Variants in MACROD2 observed in about 807,000 individuals in gnomAD.
The protein encoded by MACROD2 is mono-ADP ribosylhydrolase 2.
In MACROD2, 36 loss-of-function variants were observed where a neutral mutation model predicts 70.4. The observed-to-expected ratio is 0.51, with a 90% CI of 0.39 to 0.68. The LOEUF is 0.68. Ranked by LOEUF, MACROD2 falls within the 30% of genes least tolerant of loss-of-function variation. The pLI is 0.00. For missense variants in MACROD2, 496 were observed against 538.4 expected, an observed-to-expected ratio of 0.92 and a Z score of 0.78; for synonymous variants, 172 against 178.8, an observed-to-expected ratio of 0.96 and a Z score of 0.30.
chr20:14,339,397 T>C (rs973492320), intron 3 of MACROD2, among the ~76,000 whole-genome samples: 2 of 152,206 alleles, frequency 1.3e-5, no homozygotes, highest in Admixed American at 1.3e-4. Context: ...TTTCTGTTAC[T>C]ATGAAACAAA....
intron 4 of MACROD2, among the ~76,000 whole-genome samples, chr20:14,505,337 T>C (rs973229000): frequency 2.6e-5 from 4 of 152,228 alleles, no homozygotes; most frequent in Non-Finnish European, 5.9e-5. Flanking sequence ...ATCTGGATAA[T>C]ATTTAGATTG....
chr20:14,650,780 A>G (rs1313194486), intron 4 of MACROD2, among the ~76,000 whole-genome samples: 1 of 152,180 alleles, frequency 6.6e-6, no homozygotes, highest in Non-Finnish European at 1.5e-5. Flanking sequence ...CCTTCGCACT[A>G]CACACCAAAG....
At chr20:15,401,246 G>A (rs993540398) in intron 6 of MACROD2, among the ~76,000 whole-genome samples, 1 of 152,084 alleles carries the variant, frequency 6.6e-6, no homozygotes, top group African/African-American at 2.4e-5. Context: ...CACTGTGTTA[G>A]CCAGGATGGT....
At chr20:15,286,254 G>A (rs2077490387) in intron 6 of MACROD2, among the ~76,000 whole-genome samples, 1 of 152,062 alleles carries the variant, frequency 6.6e-6, no homozygotes, top group Non-Finnish European at 1.5e-5. Flanking sequence ...TAATGTGTTG[G>A]ATCTTTAAAT....
intron 6 of MACROD2, among the ~76,000 whole-genome samples, chr20:15,350,785 C>T (rs6043229): frequency 0.18 from 27,247 of 152,026 alleles, 2,683 homozygotes; most frequent in Non-Finnish European, 0.23. Flanking sequence ...AGACTTATTA[C>T]TGATTCTTGA....
At chr20:15,171,520 T>C (rs2076422331) in intron 5 of MACROD2, among the ~76,000 whole-genome samples, 1 of 151,978 alleles carries the variant, frequency 6.6e-6, no homozygotes, top group African/African-American at 2.4e-5. Context: ...CAATAAGCTC[T>C]TTGTAGTATT....
At chr20:14,152,614 A>G (rs533800372) in intron 3 of MACROD2, among the ~76,000 whole-genome samples, 1 of 152,014 alleles carries the variant, frequency 6.6e-6, no homozygotes, top group South Asian at 2.1e-4. Flanking sequence ...TTTAGTAGAG[A>G]TGGGGTTTTG....
At chr20:15,356,980 A>G (rs1030235724) in intron 6 of MACROD2, among the ~76,000 whole-genome samples, 1 of 152,228 alleles carries the variant, frequency 6.6e-6, no homozygotes, top group African/African-American at 2.4e-5. Flanking sequence ...TATATAGGTC[A>G]GAAAAGGATA....
intron 6 of MACROD2, among the ~76,000 whole-genome samples, chr20:15,356,982 A>G (rs1345763887): frequency 6.6e-6 from 1 of 152,226 alleles, no homozygotes; most frequent in African/African-American, 2.4e-5. Flanking sequence ...TATAGGTCAG[A>G]AAAGGATAAC....
In MACROD2 at chr20:14,283,041, G is replaced by GTAGA. The variant is rs1409490512; in HGVS notation, c.271+197314_271+197317dup. 4.6e-5 allele frequency among the ~76,000 whole-genome samples: 7 copies of GTAGA among 152,314 alleles called. No individual in the cohort carries two copies. In the East Asian group the frequency reaches 1.4e-3, roughly 29 times the overall value. ...TAGGGTCAGCCCATATTTGAGGACA[G>GTAGA]TAGAAATAGACCCTGCTTCTTGATG... On this transcript the variant is annotated intron_variant, in intron 3 of 17. Transcript: ENST00000684519.
chr20:14,614,971 T>C (rs891794505), intron 4 of MACROD2, among the ~76,000 whole-genome samples: 1 of 152,116 alleles, frequency 6.6e-6, no homozygotes, highest in African/African-American at 2.4e-5. Flanking sequence ...TGTTTGGAAG[T>C]GCTCTTGAGA....
intron 3 of MACROD2, among the ~76,000 whole-genome samples, chr20:14,404,611 A>G (rs1468415870): frequency 6.6e-6 from 1 of 152,114 alleles, no homozygotes; most frequent in Non-Finnish European, 1.5e-5. Context: ...AAAAAAAATA[A>G]TAATATATTG....
chr20:14,257,181 A>T (rs1863878907), intron 3 of MACROD2, among the ~76,000 whole-genome samples: 2 of 152,204 alleles, frequency 1.3e-5, no homozygotes, highest in African/African-American at 2.4e-5. Context: ...TTGTTAATGT[A>T]AACCTCCCAT....
intron 5 of MACROD2, among the ~76,000 whole-genome samples, chr20:14,862,742 C>A (rs1163636871): frequency 3.3e-5 from 4 of 121,494 alleles, no homozygotes; most frequent in African/African-American, 9.7e-5. Flanking sequence ...AGGATGAAGA[C>A]CAAAGCAGTG....
At chr20:16,006,554 T>TG (rs1386503066) in intron 15 of MACROD2, among the ~76,000 whole-genome samples, 1 of 152,114 alleles carries the variant, frequency 6.6e-6, no homozygotes, top group Non-Finnish European at 1.5e-5. Flanking sequence ...TCCCCATACT[T>TG]GGGAAAAAGC....
intron 8 of MACROD2, among the ~76,000 whole-genome samples, chr20:15,649,971 T>C (rs1339987103): frequency 6.6e-6 from 1 of 152,232 alleles, no homozygotes; most frequent in Non-Finnish European, 1.5e-5. Context: ...TTGGATGCTA[T>C]GAAACATACC....
chr20:14,294,099 T>C (rs2082408471), intron 3 of MACROD2, among the ~76,000 whole-genome samples: 1 of 151,818 alleles, frequency 6.6e-6, no homozygotes, highest in Non-Finnish European at 1.5e-5. Context: ...TGGTGTAGTG[T>C]TTCAACCAAA....
At chr20:15,654,961 T>A (rs2049705202) in intron 8 of MACROD2, among the ~76,000 whole-genome samples, 1 of 152,058 alleles carries the variant, frequency 6.6e-6, no homozygotes, top group South Asian at 2.1e-4. Flanking sequence ...GAGATGAAGG[T>A]GGAGGCCGCA....
At chr20:16,017,069 C>T (rs2066939356) in intron 15 of MACROD2, among the ~76,000 whole-genome samples, 1 of 152,178 alleles carries the variant, frequency 6.6e-6, no homozygotes, top group African/African-American at 2.4e-5. Flanking sequence ...TATTGTCTTA[C>T]CACAGCTGGA....
Sources: gnomAD v4.1 joint callset for allele counts (sites outside exome capture counted in the v4.1 genomes callset) on GRCh38, gnomAD v4.1.1 for gene constraint, MANE v1.5 for transcripts, NCBI Gene and HGNC (gene_info 2026-07-23, HGNC 2026-07-21) for gene names.